The following PSMA1 variants were observed in gnomAD, a reference collection of about 807,000 sequenced individuals.
The protein encoded by PSMA1 is proteasome subunit alpha type-1.
A neutral mutation model predicts 38.4 loss-of-function variants in PSMA1; 3 were observed. The observed-to-expected ratio is 0.08, with a 90% CI of 0.04 to 0.20. The LOEUF (loss-of-function observed/expected upper bound fraction) is 0.20, where lower values mean the gene tolerates loss of function less well. PSMA1 is among the 10% of genes least tolerant of loss of function. The probability of loss-of-function intolerance (pLI) is 1.00; values close to 1 mark genes in which losing one functional copy is unlikely to be tolerated. For synonymous variants in PSMA1, 101 were observed against 107.1 expected, an observed-to-expected ratio of 0.94 and a Z score of 0.35; for missense variants, 227 against 325.3, an observed-to-expected ratio of 0.70 and a Z score of 2.32.
chr11:14,528,605 C>T (rs1378905475), intron 2 of PSMA1, among the ~76,000 whole-genome samples: 1 of 152,052 alleles, frequency 6.6e-6, no homozygotes, highest in Non-Finnish European at 1.5e-5. Flanking sequence ...TTTTATTTTT[C>T]TTATTAATAT....
Position 14,569,579 on chromosome 11 carries a change from G to A in PSMA1, c.21+41387C>T, listed in dbSNP as rs568325852. 2.3e-4 allele frequency among the ~76,000 whole-genome samples: 35 copies of A among 152,274 alleles called. 1 individual carries two copies. The South Asian group carries it at 7.2e-3, about 32-fold the overall frequency. ...AGATTATATCCCACGCCTGGCTCAG[G>A]GGGTCCCACACCCACGGAGCCTCAC... On this transcript the variant is annotated intron_variant, in intron 2 of 10. Coordinates refer to the PSMA1 transcript ENST00000418988.
intron 1 of PSMA1, among the ~76,000 whole-genome samples, chr11:14,629,395 G>A (rs1207198260): frequency 6.6e-6 from 1 of 152,136 alleles, no homozygotes. Flanking sequence ...TGGCTAGCCA[G>A]TTTTTCCAGC....
chr11:14,509,494 GTT>G (rs767257317), intron 8 of PSMA1, among the ~76,000 whole-genome samples: 3 of 139,156 alleles, frequency 2.2e-5, no homozygotes, highest in South Asian at 2.3e-4. Context: ...CCTACAATCT[GTT>G]TTTTTTTTTT....
At chr11:14,559,718 C>T (rs980700211) in intron 2 of PSMA1, among the ~76,000 whole-genome samples, 1 of 152,172 alleles carries the variant, frequency 6.6e-6, no homozygotes, top group Non-Finnish European at 1.5e-5. Flanking sequence ...TTCTTAATAT[C>T]TTTATACAGT....
intron 2 of PSMA1, among the ~76,000 whole-genome samples, chr11:14,556,494 T>C (rs940796958): frequency 6.6e-6 from 1 of 152,208 alleles, no homozygotes; most frequent in Admixed American, 6.5e-5. Flanking sequence ...TAGTGTCCTT[T>C]TTCATTCTGT....
intron 1 of PSMA1, among the ~76,000 whole-genome samples, chr11:14,627,341 T>C (rs576150188): frequency 3.9e-5 from 6 of 152,332 alleles, no homozygotes; most frequent in Non-Finnish European, 8.8e-5. Context: ...TCAGGGTTAC[T>C]TGAGGTGCTT....
Position 14,555,421 on chromosome 11 carries a change from T to C in PSMA1, c.22-36380A>G, listed in dbSNP as rs569253258. On this transcript the variant is annotated intron_variant, in intron 2 of 10. Transcript: ENST00000418988. ...TTTTTTGCTTTAGTCTTTTAAAAAA[T>C]AGAAACATACAAGAATTCTTCAGGC... Among the ~76,000 whole-genome samples the C allele has an allele frequency of 3.3e-5, 5 of 152,276 alleles. No individual in the cohort carries two copies. In the South Asian group the frequency reaches 8.3e-4, roughly 25 times the overall value.
chr11:14,522,130 A>G (rs1003784417), upstream of PSMA1, among the ~76,000 whole-genome samples: 1 of 152,228 alleles, frequency 6.6e-6, no homozygotes, highest in Non-Finnish European at 1.5e-5. Context: ...ATAAATATAC[A>G]ATTTTTAAAA....
intron 2 of PSMA1, among the ~76,000 whole-genome samples, chr11:14,573,513 C>T (rs982020470): frequency 1.1e-4 from 16 of 152,124 alleles, no homozygotes; most frequent in Admixed American, 9.2e-4. Flanking sequence ...GGACATATCT[C>T]AAAATAATAA....
intron 2 of PSMA1, among the ~76,000 whole-genome samples, chr11:14,592,390 ATATATTT>A (rs201443302): frequency 2.7e-4 from 38 of 138,916 alleles, no homozygotes; most frequent in Middle Eastern, 3.4e-3. Flanking sequence ...ATATATATAT[ATATATTT>A]TTTTTTTAGA....
chr11:14,633,183 A>G (rs1316757358), intron 1 of PSMA1, among the ~76,000 whole-genome samples: 4 of 151,220 alleles, frequency 2.6e-5, no homozygotes, highest in Admixed American at 6.6e-5. Flanking sequence ...CTGGTGAGGA[A>G]CTGCGTTCCT....
intron 2 of PSMA1, among the ~76,000 whole-genome samples, chr11:14,606,852 C>T (rs1369043993): frequency 2.6e-5 from 4 of 152,136 alleles, no homozygotes; most frequent in Non-Finnish European, 5.9e-5. Flanking sequence ...GTCACAATAT[C>T]ACCTGATAAG....
chr11:14,589,398 T>C (rs1387703961), intron 2 of PSMA1, among the ~76,000 whole-genome samples: 5 of 149,354 alleles, frequency 3.3e-5, no homozygotes, highest in Non-Finnish European at 1.5e-5. Flanking sequence ...TATATGTGTG[T>C]GTATATATAT....
upstream of PSMA1, among the ~76,000 whole-genome samples, chr11:14,525,004 G>A (rs1291008126): frequency 1.3e-5 from 2 of 152,060 alleles, no homozygotes; most frequent in Non-Finnish European, 2.9e-5. Context: ...ACTTACAGTG[G>A]AGGGTAAGTC....
chr11:14,520,318 G>T lies in PSMA1; in HGVS notation c.-19C>A, dbSNP rs755995369. On this transcript the variant is annotated 5_prime_UTR_variant, in exon 1 of 10. Coordinates refer to ENST00000396394, the MANE Select transcript of PSMA1 (RefSeq NM_002786.4). Reference sequence around the variant, plus strand: ...GTACCATGGTGGCGGCGCGGGCCTGGTTGCGGCCTCCAGCAAAACTGAGAA... The same window carrying T: ...GTACCATGGTGGCGGCGCGGGCCTGTTTGCGGCCTCCAGCAAAACTGAGAA... The T allele has an allele frequency of 1.9e-6, 3 of 1,614,058 alleles. No individual in the cohort carries two copies. The highest frequency in any genetic ancestry group is 2.7e-5 in the African/African-American group (2 of 74,922).
chr11:14,605,028 CATTTTTGGTAGAAGA>C (rs1236224988), intron 2 of PSMA1, among the ~76,000 whole-genome samples: 17 of 152,100 alleles, frequency 1.1e-4, no homozygotes, highest in Non-Finnish European at 1.9e-4. Flanking sequence ...AATACATATG[CATTTTTGGTAGAAGA>C]ATTTATTTTC....
intron 2 of PSMA1, among the ~76,000 whole-genome samples, chr11:14,587,270 A>G (rs1418115131): frequency 6.6e-6 from 1 of 152,156 alleles, no homozygotes; most frequent in East Asian, 1.9e-4. Flanking sequence ...GAGAGAAGCC[A>G]GGCCATTTCT....
upstream of PSMA1, among the ~76,000 whole-genome samples, chr11:14,525,297 C>T (rs1351888437): frequency 3.9e-5 from 6 of 152,052 alleles, no homozygotes; most frequent in East Asian, 1.2e-3. Flanking sequence ...CACCTTTTGC[C>T]CCAGTTCAAA....
chr11:14,545,420 A>C (rs1013293546), intron 2 of PSMA1, among the ~76,000 whole-genome samples: 1 of 152,246 alleles, frequency 6.6e-6, no homozygotes, highest in African/African-American at 2.4e-5. Context: ...TCACCTAGGT[A>C]CTAAGCCTTG....
Sources: gnomAD v4.1 joint callset for allele counts (sites outside exome capture counted in the v4.1 genomes callset) on GRCh38, gnomAD v4.1.1 for gene constraint, MANE v1.5 for transcripts, NCBI Gene and HGNC (gene_info 2026-07-23, HGNC 2026-07-21) for gene names.